Variants in KALRN observed in about 807,000 individuals in gnomAD.
The protein encoded by KALRN is kalirin RhoGEF kinase, also known as kalirin.
In KALRN, 70 loss-of-function variants were observed where a neutral mutation model predicts 353.7. The ratio of observed to expected loss-of-function variants is 0.20; its 90% CI spans 0.16 to 0.24. The LOEUF is 0.24. Ranked by LOEUF, KALRN falls within the 10% of genes least tolerant of loss-of-function variation. The pLI is 1.00. For missense variants in KALRN, 2,791 were observed against 3,756.7 expected, an observed-to-expected ratio of 0.74 and a Z score of 6.72; for synonymous variants, 1,391 against 1,434.8, an observed-to-expected ratio of 0.97 and a Z score of 0.69.
intron 34 of KALRN, among the ~76,000 whole-genome samples, chr3:124,567,996 G>C (rs1171871595): frequency 6.7e-6 from 1 of 149,598 alleles, no homozygotes; most frequent in Non-Finnish European, 1.5e-5. Flanking sequence ...AAAAGAAGAA[G>C]AACAAACTTA....
chr3:124,642,801 G>C (rs2082180941), intron 37 of KALRN, among the ~76,000 whole-genome samples: 1 of 61,878 alleles, frequency 1.6e-5, no homozygotes, highest in Non-Finnish European at 3.0e-5. Flanking sequence ...AGATTCCCAA[G>C]CCTCGTTTTT....
chr3:124,271,369 G>A (rs904701650), intron 5 of KALRN, among the ~76,000 whole-genome samples: 2 of 152,132 alleles, frequency 1.3e-5, no homozygotes, highest in Non-Finnish European at 2.9e-5. Context: ...GTGCCTGTCT[G>A]AAAAACCAAG....
intron 1 of KALRN, among the ~76,000 whole-genome samples, chr3:124,150,458 C>T (rs2067943491): frequency 6.6e-6 from 1 of 152,028 alleles, no homozygotes; most frequent in Non-Finnish European, 1.5e-5. Context: ...CATATGTATA[C>T]ATGTGCCATG....
At chr3:124,115,785 T>G (rs2063402436) in intron 1 of KALRN, among the ~76,000 whole-genome samples, 1 of 152,208 alleles carries the variant, frequency 6.6e-6, no homozygotes, top group South Asian at 2.1e-4. Context: ...GTCTTGGGAA[T>G]GTAGGTCTTT....
intron 1 of KALRN, among the ~76,000 whole-genome samples, chr3:124,217,544 A>G (rs1371690859): frequency 6.6e-6 from 1 of 151,754 alleles, no homozygotes; most frequent in Non-Finnish European, 1.5e-5. Context: ...TACCAAAAAA[A>G]CCTCTCTTCT....
At position 124,490,766 on chromosome 3, in the gene KALRN, C is replaced by T. The variant is rs746838131; in HGVS notation, c.4469C>T (p.Ser1490Leu). 1.4e-5 allele frequency: 22 copies of T among 1,613,714 alleles called. No homozygotes were observed. The highest frequency in any genetic ancestry group is 3.3e-5 in the South Asian group (3 of 91,052). The stretch of plus-strand genomic sequence containing the variant: ...GCCTTTCAAGTGTGGGACCCGAAGT[C>T]GCTGATCCGGAAGGGGCGGGAGCGG... The part of the protein sequence containing the change: ...QDAFQVWDPK[S>L]LIRKGRERHL... The change falls in exon 30 of 60, where the codon TCG (serine) becomes TTG (leucine). Residue 1490 changes from serine to leucine, a missense_variant. This residue lies in a region of KALRN where 239 missense variants were observed against 351.3 expected (regional missense o/e 0.68). Coordinates refer to ENST00000682506, the MANE Select transcript of KALRN (RefSeq NM_001388419.1).
chr3:124,101,666 C>T (rs1263346450), intron 1 of KALRN, among the ~76,000 whole-genome samples: 4 of 152,150 alleles, frequency 2.6e-5, no homozygotes, highest in Non-Finnish European at 5.9e-5. Context: ...TCCTTTTCCT[C>T]GCTCTCATCC....
chr3:124,468,086 A>T (rs1433169402), intron 25 of KALRN, among the ~76,000 whole-genome samples: 2 of 152,126 alleles, frequency 1.3e-5, no homozygotes, highest in African/African-American at 4.8e-5. Flanking sequence ...CAGAGCTACC[A>T]TCCTGTTGAG....
Position 124,528,822 on chromosome 3 carries a change from G to A in KALRN, c.4935+32409G>A, listed in dbSNP as rs1239143086. Among the ~76,000 whole-genome samples the A allele has an allele frequency of 3.3e-5, 5 of 152,166 alleles. No individual in the cohort carries two copies. In the East Asian group the frequency reaches 9.6e-4, roughly 29 times the overall value. On this transcript the variant is annotated intron_variant, in intron 33 of 59. Transcript: ENST00000682506. ...GTTATAGGAGCCAAGTAATGTAACA[G>A]CAAACAAAATCACATTCTCTATGTG... is the stretch of plus-strand genomic sequence containing the variant.
chr3:124,405,895 C>T (rs1418531035), intron 13 of KALRN, among the ~76,000 whole-genome samples: 2 of 152,144 alleles, frequency 1.3e-5, no homozygotes, highest in Non-Finnish European at 2.9e-5. Context: ...CCGCCCGCCT[C>T]GGCCTCCCAA....
At chr3:124,234,347 T>TTG (rs1438294173) in intron 2 of KALRN, among the ~76,000 whole-genome samples, 1 of 152,196 alleles carries the variant, frequency 6.6e-6, no homozygotes, top group Non-Finnish European at 1.5e-5. Flanking sequence ...GATGGATGCT[T>TTG]TGAGGTCTTC....
intron 1 of KALRN, among the ~76,000 whole-genome samples, chr3:124,063,925 T>A (rs2042156976): frequency 6.6e-6 from 1 of 152,180 alleles, no homozygotes; most frequent in South Asian, 2.1e-4. Context: ...GGTTATCAAG[T>A]GAGCTACTGA....
intron 1 of KALRN, among the ~76,000 whole-genome samples, chr3:124,126,565 A>T (rs571605749): frequency 5.3e-5 from 8 of 152,344 alleles, no homozygotes; most frequent in Middle Eastern, 6.8e-3. Flanking sequence ...GACATAGATG[A>T]CATCCAATTA....
intron 3 of KALRN, among the ~76,000 whole-genome samples, chr3:124,247,658 C>G (rs1436347157): frequency 6.6e-6 from 1 of 152,152 alleles, no homozygotes; most frequent in Non-Finnish European, 1.5e-5. Flanking sequence ...CCCACTGTCC[C>G]CCTGACCTTT....
At chr3:124,404,153 G>A (rs1395982418) in intron 13 of KALRN, among the ~76,000 whole-genome samples, 45 of 123,574 alleles carry the variant, frequency 3.6e-4, no homozygotes, top group South Asian at 1.1e-3. Flanking sequence ...CTGCTCTCTG[G>A]AAAAAAAAAA....
intron 23 of KALRN, among the ~76,000 whole-genome samples, chr3:124,457,258 C>A: frequency 6.6e-6 from 1 of 152,104 alleles, no homozygotes; most frequent in South Asian, 2.1e-4. Flanking sequence ...TTAATAGAAA[C>A]GGGGTTTCAC....
chr3:124,395,523 A>G (rs186635069), intron 12 of KALRN, 180 bp downstream of exon 12: 1 of 555,664 alleles, frequency 1.8e-6, no homozygotes, highest in Non-Finnish European at 3.2e-6. Context: ...TAAAATAGTA[A>G]ATGGAAAAGC....
At chr3:124,592,703 C>A (rs1275483009) in intron 34 of KALRN, among the ~76,000 whole-genome samples, 2 of 152,202 alleles carry the variant, frequency 1.3e-5, no homozygotes, top group Admixed American at 1.3e-4. Context: ...CTTCCCCCTC[C>A]CTTGTAGGTG....
At chr3:124,496,642 T>C (rs1380145047) in intron 33 of KALRN, among the ~76,000 whole-genome samples, 3 of 152,094 alleles carry the variant, frequency 2.0e-5, no homozygotes, top group African/African-American at 7.2e-5. Flanking sequence ...CCTCTCACAC[T>C]GGGAGAGTTT....
Sources: gnomAD v4.1 joint callset for allele counts (sites outside exome capture counted in the v4.1 genomes callset) on GRCh38, gnomAD v4.1.1 for gene constraint, gnomAD v4.1.1 regional missense constraint, MANE v1.5 for transcripts, NCBI Gene and HGNC (gene_info 2026-07-23, HGNC 2026-07-21) for gene names.